ZNF398: variants seen among roughly 807,000 people sequenced by gnomAD.
The protein encoded by ZNF398 is zinc finger DNA binding protein ZER6.
A neutral mutation model predicts 41.9 loss-of-function variants in ZNF398; 18 were observed. That is an observed-to-expected ratio of 0.43 (90% CI 0.30 to 0.64). The LOEUF is 0.64. Ranked by LOEUF, ZNF398 falls within the 30% of genes least tolerant of loss-of-function variation. The pLI, the probability that ZNF398 is intolerant of heterozygous loss-of-function variation, is 0.14. For synonymous variants in ZNF398, 260 were observed against 308.8 expected, an observed-to-expected ratio of 0.84 and a Z score of 1.66; for missense variants, 669 against 822.8, an observed-to-expected ratio of 0.81 and a Z score of 2.29.
chr7:149,136,033 T>G (rs1826705081), intron 2 of ZNF398, among the ~76,000 whole-genome samples: 1 of 151,982 alleles, frequency 6.6e-6, no homozygotes, highest in Non-Finnish European at 1.5e-5. Context: ...TTTTGTGGAT[T>G]GGGGTTTTGG....
At chr7:149,162,957 C>A (rs898804953) in intron 2 of ZNF398, among the ~76,000 whole-genome samples, 3 of 151,916 alleles carry the variant, frequency 2.0e-5, no homozygotes, top group Non-Finnish European at 1.5e-5. Context: ...GCCTGGGCAA[C>A]AGAGCGAGAG....
At chr7:149,147,450 G>A (rs916692127), upstream of ZNF398, 20 of 236,166 alleles carry the variant, frequency 8.5e-5, no homozygotes, top group Non-Finnish European at 1.2e-4. This position sits in a 1 kb window ranked among gnomAD's most constrained non-coding sequence, Gnocchi z 5.6. Context: ...CGCGGTTCCC[G>A]GTGCACTCGC....
intron 2 of ZNF398, among the ~76,000 whole-genome samples, chr7:149,161,539 T>G (rs1795104529): frequency 2.6e-5 from 4 of 152,288 alleles, no homozygotes; most frequent in South Asian, 2.1e-4. Context: ...CACCCCAGTT[T>G]GGATGACAGA....
At position 149,181,430 on chromosome 7, in the gene ZNF398, CCT is replaced by C. The variant is rs2129522167; in HGVS notation, c.*1630_*1631del. 1 of 152,292 alleles carries C rather than the reference CCT, an allele frequency of 6.6e-6. No homozygotes were observed. The highest frequency in any genetic ancestry group is 2.4e-5 in the African/African-American group (1 of 41,566). The allele number at this position is 152,292 out of a possible 1,614,324, so 9.4% of individuals were successfully genotyped here. A position where few individuals can be genotyped will look rare whatever the true frequency, so the allele number is the denominator to read the frequency against. On this transcript the variant is annotated 3_prime_UTR_variant, in exon 6 of 6. Transcript: ENST00000475153. ...TATACTCTTGTTTCCTCTGCTTCTT[CCT>C]GAGGTCTAGAACAAGGTCTGGAAAT...
At chr7:149,178,123 C>T (rs1276263216) in intron 5 of ZNF398, among the ~76,000 whole-genome samples, 2 of 152,150 alleles carry the variant, frequency 1.3e-5, no homozygotes, top group African/African-American at 4.8e-5. Flanking sequence ...AACCCTGTCT[C>T]TACTAAAAAG....
Position 149,147,454 on chromosome 7 carries a change from C to T in ZNF398, c.-289C>T. Reference sequence around the variant, plus strand: ...GTCTAGGCCCGCGCGGTTCCCGGTGCACTCGCTGCCCACAAAGCGCCAGCT... The same window carrying T: ...GTCTAGGCCCGCGCGGTTCCCGGTGTACTCGCTGCCCACAAAGCGCCAGCT... On this transcript the variant is annotated 5_prime_UTR_variant, in exon 1 of 6. Transcript: ENST00000475153. This position sits in a 1 kb window ranked among gnomAD's most constrained non-coding sequence, Gnocchi z 5.6. 1 of 243,884 alleles carries T rather than the reference C, an allele frequency of 4.1e-6. No homozygotes were observed. The highest frequency in any genetic ancestry group is 7.8e-6 in the Non-Finnish European group (1 of 128,706). 15.1% of individuals were successfully genotyped at this position (243,884 alleles called of 1,614,324 possible).
rs368934980 is a variant in ZNF398, at chr7:149,131,558, C to T, written c.-490+2614C>T. Among the ~76,000 whole-genome samples the T allele has an allele frequency of 3.9e-4, 59 of 152,148 alleles. No individual in the cohort carries two copies. In the East Asian group the frequency reaches 7.5e-3, roughly 19 times the overall value. On this transcript the variant is annotated intron_variant, in intron 2 of 6. Transcript: ENST00000426851. ...GAAATTAGCTGGGTGTGGTGGCGGA[C>T]GCCTGTAGTCCCAGCTACTCGGGAG...
chr7:149,139,162 G>A (rs1031566047), intron 2 of ZNF398, among the ~76,000 whole-genome samples: 6 of 151,848 alleles, frequency 4.0e-5, no homozygotes, highest in Admixed American at 3.3e-4. Flanking sequence ...CGCCCACCTC[G>A]GCCTCCTAAA....
intron 1 of ZNF398, among the ~76,000 whole-genome samples, chr7:149,151,781 CTTTT>C (rs913604138): frequency 6.9e-6 from 1 of 144,760 alleles, no homozygotes; most frequent in Admixed American, 6.9e-5. Context: ...AAATTTCTTT[CTTTT>C]TTTTTCTTTT....
At chr7:149,139,383 T>C (rs1314368410) in intron 2 of ZNF398, among the ~76,000 whole-genome samples, 2 of 152,170 alleles carry the variant, frequency 1.3e-5, no homozygotes, top group Admixed American at 6.6e-5. Context: ...GAATACCTAC[T>C]TTTAAATTTA....
At chr7:149,178,560 A>G (rs1412769282) in intron 5 of ZNF398, 88 bp from the exon 6 acceptor site, 3 of 1,111,204 alleles carry the variant, frequency 2.7e-6, no homozygotes, top group Non-Finnish European at 3.9e-6. Context: ...CTGAGCTTCG[A>G]GTGATCTGTT....
intron 5 of ZNF398, among the ~76,000 whole-genome samples, chr7:149,177,339 G>A (rs1411042570): frequency 3.3e-5 from 5 of 152,254 alleles, no homozygotes; most frequent in South Asian, 4.1e-4. Context: ...ACTCGTGCCT[G>A]TAAGCCCAGC....
intron 2 of ZNF398, among the ~76,000 whole-genome samples, chr7:149,160,391 C>T (rs990915189): frequency 3.3e-5 from 5 of 152,140 alleles, no homozygotes; most frequent in Non-Finnish European, 4.4e-5. Flanking sequence ...AGAGTATAGA[C>T]CAGTTTATAC....
intron 4 of ZNF398, 127 bp from the exon 5 acceptor site, chr7:149,176,341 C>G: frequency 1.5e-6 from 1 of 669,832 alleles, no homozygotes. Flanking sequence ...GAGACTCTGT[C>G]TCAAAAAAAG....
chr7:149,142,483 C>T (rs1244599364), upstream of ZNF398, among the ~76,000 whole-genome samples: 4 of 152,038 alleles, frequency 2.6e-5, no homozygotes, highest in South Asian at 2.1e-4. Context: ...CTGGCTAACA[C>T]GGTGAAACCC....
At chr7:149,132,190 CTCTCTT>C (rs1826608832) in intron 2 of ZNF398, among the ~76,000 whole-genome samples, 2 of 119,126 alleles carry the variant, frequency 1.7e-5, no homozygotes, top group Non-Finnish European at 1.7e-5. Flanking sequence ...TATATTCTCT[CTCTCTT>C]TTTTTTTTTT....
intron 2 of ZNF398, among the ~76,000 whole-genome samples, chr7:149,161,348 G>T (rs1045053391): frequency 6.6e-6 from 1 of 152,178 alleles, no homozygotes; most frequent in Non-Finnish European, 1.5e-5. Flanking sequence ...GAGGCCAGGT[G>T]TAGGACACCA....
chr7:149,165,495 A>G (rs1037096356), intron 2 of ZNF398, among the ~76,000 whole-genome samples: 1 of 152,230 alleles, frequency 6.6e-6, no homozygotes, highest in East Asian at 1.9e-4. Flanking sequence ...CAGGTAGAGA[A>G]GAAATGGAAA....
chr7:149,142,154 G>A (rs1476966186), intron 2 of ZNF398, among the ~76,000 whole-genome samples: 1 of 152,010 alleles, frequency 6.6e-6, no homozygotes. Context: ...CTATAGACTG[G>A]TAACCATTTT....
Sources: allele counts gnomAD v4.1 joint callset (sites outside exome capture counted in the v4.1 genomes callset), GRCh38; gene constraint gnomAD v4.1.1; non-coding constraint Gnocchi (gnomAD v3.1); transcripts MANE v1.5; gene names NCBI Gene and HGNC (gene_info 2026-07-23, HGNC 2026-07-21).